NOL4L: variants seen among roughly 807,000 people sequenced by gnomAD.
NOL4L encodes the protein nucleolar protein 4-like.
A neutral mutation model predicts 64.5 loss-of-function variants in NOL4L; 7 were observed. The ratio of observed to expected loss-of-function variants is 0.11; its 90% confidence interval spans 0.06 to 0.20. The LOEUF (loss-of-function observed/expected upper bound fraction) is 0.20. Among genes scored for constraint, NOL4L ranks in the 10% least tolerant of loss-of-function variants. NOL4L has a pLI of 1.00. For synonymous variants in NOL4L, 413 were observed against 401.0 expected, an observed-to-expected ratio of 1.03 and a Z score of -0.36; for missense variants, 680 against 967.1, an observed-to-expected ratio of 0.70 and a Z score of 3.94.
chr20:32,485,093 A>AAAAAAAG (rs2016028200), intron 4 of NOL4L, among the ~76,000 whole-genome samples: 1 of 114,528 alleles, frequency 8.7e-6, no homozygotes, highest in Middle Eastern at 3.8e-3. Context: ...AAAAACAACT[A>AAAAAAAG]AAAAAAAACC....
chr20:32,543,307 C>T lies in NOL4L; in HGVS notation c.322-15394G>A, dbSNP rs193008651. 2.1e-3 allele frequency among the ~76,000 whole-genome samples: 315 copies of T among 152,166 alleles called. 1 individual carries two copies. The highest frequency in any genetic ancestry group is 6.1e-3 in the African/African-American group (252 of 41,516). On this transcript the variant is annotated intron_variant, in intron 1 of 10. Coordinates refer to ENST00000621426, the MANE Select transcript of NOL4L (RefSeq NM_001256798.2). ...CAGCCTGGCCAACATGGTGAAACCCCGTGTCTACTAAAAATGCAAAAATTA... is the reference window on the plus strand; with the variant it reads ...CAGCCTGGCCAACATGGTGAAACCCTGTGTCTACTAAAAATGCAAAAATTA...
At chr20:32,564,618 T>C (rs1295036636) in intron 1 of NOL4L, among the ~76,000 whole-genome samples, 2 of 152,266 alleles carry the variant, frequency 1.3e-5, no homozygotes, top group East Asian at 1.9e-4. Flanking sequence ...CTCTGCCTCG[T>C]ATGTCCTGTG....
At chr20:32,494,278 A>AC (rs1249056218) in intron 4 of NOL4L, among the ~76,000 whole-genome samples, 7 of 84,716 alleles carry the variant, frequency 8.3e-5, no homozygotes, top group Non-Finnish European at 1.8e-4. Flanking sequence ...AAAAAAAAAA[A>AC]AAAACACACA....
At chr20:32,562,068 G>A (rs1265509632) in intron 1 of NOL4L, among the ~76,000 whole-genome samples, 1 of 152,134 alleles carries the variant, frequency 6.6e-6, no homozygotes, top group Non-Finnish European at 1.5e-5. Flanking sequence ...CGCTTACTCC[G>A]AGGGCCATGG....
chr20:32,552,919 G>A (rs907076688), intron 1 of NOL4L, among the ~76,000 whole-genome samples: 7 of 152,126 alleles, frequency 4.6e-5, no homozygotes, highest in African/African-American at 7.2e-5. Flanking sequence ...CAGGGGAATC[G>A]CTTGAATCTG....
rs2018477439 is a variant in NOL4L at position 32,535,202 on chromosome 20, T to C, written c.322-7289A>G. On this transcript the variant is annotated intron_variant, in intron 1 of 10. Transcript: ENST00000621426. Reference sequence around the variant, plus strand: ...AATCAGGTGATTGAAGAGAGGGTATTGCTTCACTGGGACAAAGGCAGTATT... The same window carrying C: ...AATCAGGTGATTGAAGAGAGGGTATCGCTTCACTGGGACAAAGGCAGTATT... 1.3e-5 allele frequency among the ~76,000 whole-genome samples: 2 copies of C among 151,590 alleles called. 1 individual carries two copies. Among genetic ancestry groups the C allele is most frequent in the South Asian group, 4.2e-4 (2 of 4,800 alleles).
At chr20:32,535,795 C>A (rs1006811876) in intron 1 of NOL4L, 4 of 985,344 alleles carry the variant, frequency 4.1e-6, no homozygotes, top group South Asian at 9.4e-5. Context: ...GCACAGTGGG[C>A]CACAGTGCCC....
chr20:32,503,897 T>C (rs2017024568), intron 4 of NOL4L, among the ~76,000 whole-genome samples: 1 of 152,198 alleles, frequency 6.6e-6, no homozygotes, highest in Non-Finnish European at 1.5e-5. Flanking sequence ...TCCCTCTTTT[T>C]TAATTTTCCT....
intron 1 of NOL4L, among the ~76,000 whole-genome samples, chr20:32,566,369 C>T (rs1600881598): frequency 3.3e-5 from 5 of 152,306 alleles, no homozygotes; most frequent in Admixed American, 3.3e-4. Flanking sequence ...CCACTCAGCA[C>T]TTTTAAGATA....
rs1365346587 is a variant in NOL4L, at chr20:32,464,106, A to G, written c.842-7711T>C. ...GAGACTGCTGGAGCCACGGCCCACC[A>G]TGGCCAGGGAGGCGTGGACAGTAGG... On this transcript the variant is annotated intron_variant, in intron 5 of 10. Coordinates refer to ENST00000621426, the MANE Select transcript of NOL4L (RefSeq NM_001256798.2). This position sits in a 1 kb window ranked among gnomAD's most constrained non-coding sequence, Gnocchi z 5.6. 6.6e-6 allele frequency among the ~76,000 whole-genome samples: 1 copy of G among 152,168 alleles called. No homozygotes were observed. The highest frequency in any genetic ancestry group is 2.4e-5 in the African/African-American group (1 of 41,448).
intron 6 of NOL4L, chr20:32,454,054 C>T: frequency 5.0e-6 from 2 of 398,254 alleles, no homozygotes; most frequent in Non-Finnish European, 9.3e-6. Flanking sequence ...AGGGTGTCAG[C>T]TGTTTCCTCA....
At chr20:32,558,069 T>C (rs558883040) in intron 1 of NOL4L, among the ~76,000 whole-genome samples, 1 of 152,320 alleles carries the variant, frequency 6.6e-6, no homozygotes, top group East Asian at 1.9e-4. Flanking sequence ...ACAGTAATAA[T>C]GTGAATGCAC....
intron 1 of NOL4L, chr20:32,536,354 C>T: frequency 1.0e-6 from 1 of 981,358 alleles, no homozygotes; most frequent in Middle Eastern, 5.2e-4. Context: ...GCCCCAGGTG[C>T]GGGCCCCACC....
chr20:32,584,301 G>A (rs1304669234), intron 1 of NOL4L, among the ~76,000 whole-genome samples: 1 of 151,298 alleles, frequency 6.6e-6, no homozygotes, highest in South Asian at 2.1e-4. Context: ...GGAACATGCT[G>A]GGGTGAGCAG....
rs117644319 is a variant in NOL4L, at chr20:32,556,739, G to A, written c.321+27831C>T. Reference sequence around the variant, plus strand: ...CTCCATTCATTCCACTGGGCAGGTCGGGTCTGAGCCGAGGTGGGCCTGGCA... The same window carrying A: ...CTCCATTCATTCCACTGGGCAGGTCAGGTCTGAGCCGAGGTGGGCCTGGCA... On this transcript the variant is annotated intron_variant, in intron 1 of 10. Coordinates refer to ENST00000621426, the MANE Select transcript of NOL4L (RefSeq NM_001256798.2). Among the ~76,000 whole-genome samples the A allele has an allele frequency of 1.3e-3, 191 of 152,296 alleles. 1 individual carries two copies. Among genetic ancestry groups the A allele is most frequent in the East Asian group, 4.8e-3 (25 of 5,174 alleles).
intron 1 of NOL4L, among the ~76,000 whole-genome samples, chr20:32,562,097 T>C (rs974970867): frequency 1.3e-5 from 2 of 152,174 alleles, no homozygotes; most frequent in Admixed American, 6.5e-5. Flanking sequence ...GCTCCAGGCA[T>C]GCCGTCAGGA....
In NOL4L at chr20:32,464,440, CCAG is replaced by C. The variant is rs1368414068; in HGVS notation, c.842-8048_842-8046del. 2.6e-5 allele frequency among the ~76,000 whole-genome samples: 4 copies of C among 152,232 alleles called. No individual in the cohort carries two copies. The highest frequency in any genetic ancestry group is 2.4e-5 in the African/African-American group (1 of 41,452). ...CCTGCACAGCTGCCCTCCTGAGCGC[CCAG>C]CTCTGTCCCTGTGGTTCACACAGCC... On this transcript the variant is annotated intron_variant, in intron 5 of 10. Coordinates refer to ENST00000621426, the MANE Select transcript of NOL4L (RefSeq NM_001256798.2). This position sits in a 1 kb window ranked among gnomAD's most constrained non-coding sequence, Gnocchi z 5.6.
chr20:32,575,614 G>A (rs998992006), intron 1 of NOL4L, among the ~76,000 whole-genome samples: 1 of 152,172 alleles, frequency 6.6e-6, no homozygotes, highest in African/African-American at 2.4e-5. Flanking sequence ...CTGCCCAGTG[G>A]GGAGCCCCTT....
At chr20:32,501,723 G>A (rs1386596435) in intron 4 of NOL4L, among the ~76,000 whole-genome samples, 1 of 152,082 alleles carries the variant, frequency 6.6e-6, no homozygotes, top group Non-Finnish European at 1.5e-5. Context: ...AGAAAACATG[G>A]GGGATGGAGT....
Sources: allele counts gnomAD v4.1 joint callset (sites outside exome capture counted in the v4.1 genomes callset), GRCh38; gene constraint gnomAD v4.1.1; non-coding constraint Gnocchi (gnomAD v3.1); transcripts MANE v1.5; gene names NCBI Gene and HGNC (gene_info 2026-07-23, HGNC 2026-07-21).